JADE3: variants seen among roughly 807,000 people sequenced by gnomAD.
JADE3 encodes the protein jade family PHD finger 3, also known as protein Jade-3.
A neutral mutation model predicts 50.1 loss-of-function variants in JADE3; 2 were observed. That is an observed-to-expected ratio of 0.04 (90% CI 0.02 to 0.13). The LOEUF (loss-of-function observed/expected upper bound fraction) is 0.13, where lower values mean the gene tolerates loss of function less well. Ranked by LOEUF, JADE3 falls within the 10% of genes least tolerant of loss-of-function variation. JADE3 has a pLI of 1.00. For missense variants in JADE3, 475 were observed against 634.4 expected (o/e 0.75, Z 2.70); for synonymous variants, 218 against 232.9 (o/e 0.94, Z 0.58).
intron 4 of JADE3, among the ~76,000 whole-genome samples, chrX:47,009,269 C>T (rs1928504640): frequency 9.0e-6 from 1 of 110,779 alleles, no homozygotes; most frequent in Admixed American, 9.6e-5. Flanking sequence ...CTGCAGTGAG[C>T]CACTGCAGGC....
rs183310667 is a variant in JADE3, at chrX:47,001,799, A to G, written c.284+3522A>G. Among the ~76,000 whole-genome samples the G allele has an allele frequency of 1.3e-3, 149 of 112,124 alleles. 1 individual carries two copies. The highest frequency in any genetic ancestry group is 6.1e-3 in the Admixed American group (64 of 10,535). Reference sequence around the variant, plus strand: ...TTAAGTACTATATAAATTCAGGCCTATTTAGATACCCCATGGTATGAAGTT... The same window carrying G: ...TTAAGTACTATATAAATTCAGGCCTGTTTAGATACCCCATGGTATGAAGTT... On this transcript the variant is annotated intron_variant, in intron 4 of 10. Transcript: ENST00000614628.
At chrX:46,931,227 A>G (rs781898195) in intron 1 of JADE3, among the ~76,000 whole-genome samples, 5 of 111,253 alleles carry the variant, frequency 4.5e-5, no homozygotes, top group Admixed American at 9.6e-5. Flanking sequence ...CATTGCCAGC[A>G]TATCTCCACT....
At chrX:47,024,422 G>A (rs1338667562) in intron 4 of JADE3, among the ~76,000 whole-genome samples, 2 of 112,038 alleles carry the variant, frequency 1.8e-5, no homozygotes, top group African/African-American at 6.5e-5. Flanking sequence ...GAGCCCAGGA[G>A]TTCAAGGCTA....
chrX:47,051,971 A>G (rs1451190463), intron 8 of JADE3, among the ~76,000 whole-genome samples: 7 of 109,712 alleles, frequency 6.4e-5, no homozygotes, highest in African/African-American at 2.3e-4. Context: ...GCGCACGCCT[A>G]TAATCCCAGC....
intron 1 of JADE3, among the ~76,000 whole-genome samples, chrX:46,932,868 A>T (rs1349018430): frequency 1.8e-5 from 2 of 111,782 alleles, no homozygotes; most frequent in Non-Finnish European, 3.8e-5. Context: ...AGCTGAGAGG[A>T]TGACATTAAG....
intron 1 of JADE3, among the ~76,000 whole-genome samples, chrX:46,928,162 C>G: frequency 9.0e-6 from 1 of 111,521 alleles, no homozygotes; most frequent in Non-Finnish European, 1.9e-5. Flanking sequence ...CATCAACAAT[C>G]CAACACTCAT....
intron 1 of JADE3, among the ~76,000 whole-genome samples, chrX:46,943,761 T>C (rs1159082877): frequency 8.9e-6 from 1 of 112,035 alleles, no homozygotes; most frequent in African/African-American, 3.2e-5. Context: ...TCCTCAATTT[T>C]TTTGGAATAA....
At chrX:47,034,659 G>T (rs2042789006) in intron 7 of JADE3, among the ~76,000 whole-genome samples, 1 of 109,849 alleles carries the variant, frequency 9.1e-6, no homozygotes, top group African/African-American at 3.3e-5. Flanking sequence ...GAGTGCAGTG[G>T]CGCTATCTCG....
At chrX:47,025,822 G>C (rs1393029472) in intron 5 of JADE3, among the ~76,000 whole-genome samples, 3 of 111,961 alleles carry the variant, frequency 2.7e-5, no homozygotes, top group Non-Finnish European at 5.6e-5. Context: ...ATTTTTGTTT[G>C]AATCACATTT....
At chrX:46,912,344 G>C (rs1160773129), upstream of JADE3, 1 of 112,302 alleles carries the variant, frequency 8.9e-6, no homozygotes, top group Admixed American at 9.3e-5. Flanking sequence ...CGCTCCGGTA[G>C]GGCGAGCGCG....
In JADE3 at chrX:47,047,549, CAAAA is replaced by C. The variant is rs782645560; in HGVS notation, c.973-6597_973-6594del. ...GGGCAACAAGAGCGAAACTCCATTA[CAAAA>C]AAAAAAAAAAAGTAAATAAACCACA... On this transcript the variant is annotated intron_variant, in intron 8 of 10. Coordinates refer to ENST00000614628, the MANE Select transcript of JADE3 (RefSeq NM_014735.5). 1.1e-4 allele frequency among the ~76,000 whole-genome samples: 7 copies of C among 64,116 alleles called. No homozygotes were observed. The South Asian group carries it at 5.1e-3, about 46-fold the overall frequency. 55.7% of individuals were successfully genotyped at this position (64,116 alleles called of 115,157 possible).
chrX:46,974,398 C>T (rs1371244281), intron 1 of JADE3, among the ~76,000 whole-genome samples: 1 of 109,840 alleles, frequency 9.1e-6, no homozygotes, highest in Non-Finnish European at 1.9e-5. Context: ...GAGTGAGACT[C>T]TGTCTCAAAA....
At chrX:46,997,101 C>G (rs1928147291) in intron 3 of JADE3, among the ~76,000 whole-genome samples, 1 of 111,804 alleles carries the variant, frequency 8.9e-6, no homozygotes, top group African/African-American at 3.3e-5. Context: ...AGGATGTTGA[C>G]ACATACTTTC....
chrX:46,923,302 A>G (rs6609447), intron 1 of JADE3, among the ~76,000 whole-genome samples: 3 of 106,573 alleles, frequency 2.8e-5, no homozygotes, highest in Non-Finnish European at 5.8e-5. Flanking sequence ...AGTGTGAGCC[A>G]CTGCGCCCAG....
chrX:47,052,690 T>C (rs1929541742), intron 8 of JADE3, among the ~76,000 whole-genome samples: 1 of 107,050 alleles, frequency 9.3e-6, no homozygotes, highest in African/African-American at 3.4e-5. Context: ...GTTTTATGTC[T>C]GTGCTGTCTA....
rs3135223 is a variant in JADE3 at position 46,981,624 on chromosome X, G to A, written c.-11-3260G>A. Among the ~76,000 whole-genome samples the A allele has an allele frequency of 5.8e-3, 649 of 111,861 alleles. 2 individuals are homozygous for A. The highest frequency in any genetic ancestry group is 9.9e-3 in the Non-Finnish European group (524 of 53,142). On this transcript the variant is annotated intron_variant, in intron 1 of 10. Transcript: ENST00000614628. ...TAAAAATATTCAATTGACTTTGACT[G>A]TAGGACAAACAGAACCTTAGTTAAT...
intron 3 of JADE3, among the ~76,000 whole-genome samples, chrX:46,993,655 T>C (rs1928063382): frequency 8.9e-6 from 1 of 112,219 alleles, no homozygotes; most frequent in Non-Finnish European, 1.9e-5. Flanking sequence ...TGTTTATTCT[T>C]TATAAGAAAC....
rs1928183442 is a variant in JADE3 at position 46,998,243 on chromosome X, G to T, written c.250G>T (p.Ala84Ser). ...ATGGGAAAAGGGAGTCCAGGTACCA[G>T]CCAGTCCAGACACCGTTCCACAGCC... ...EEWEKGVQVP[A>S]SPDTVPQPSL... Residue 84 changes from alanine (A) to serine (S), a missense_variant, in exon 4 of 11, where the codon GCC (alanine) becomes TCC (serine). Ala to Ser is a moderately conservative substitution (Grantham distance 99, BLOSUM62 1). Around this residue, in one of 6 missense-constraint regions of JADE3, gnomAD observed 12 missense variants for 35.0 expected, o/e 0.34. Transcript: ENST00000614628. 8.3e-7 allele frequency: 1 copy of T among 1,206,822 alleles called. No individual in the cohort carries two copies. The highest frequency in any genetic ancestry group is 1.8e-5 in the African/African-American group (1 of 56,705).
intron 8 of JADE3, among the ~76,000 whole-genome samples, chrX:47,052,521 C>A (rs1929532968): frequency 1.9e-5 from 2 of 104,710 alleles, no homozygotes; most frequent in African/African-American, 7.0e-5. Flanking sequence ...GTAGTCCCAG[C>A]TACTTGGGAG....
Sources: allele counts gnomAD v4.1 joint callset (sites outside exome capture counted in the v4.1 genomes callset), GRCh38; gene constraint gnomAD v4.1.1; regional missense constraint gnomAD v4.1.1; transcripts MANE v1.5; gene names NCBI Gene and HGNC (gene_info 2026-07-23, HGNC 2026-07-21).